EYS: variants seen among roughly 807,000 people sequenced by gnomAD.
EYS encodes EGF-like photoreceptor maintenance factor.
Under a neutral mutation model 282.1 loss-of-function variants are expected in EYS, and 250 were observed. The observed-to-expected ratio is 0.89, with a 90% CI of 0.80 to 0.98. EYS has a LOEUF of 0.98. EYS is among the 50% of genes least tolerant of loss of function. EYS has a pLI of 0.00. For synonymous variants in EYS, 1,355 were observed against 1,282.9 expected, an observed-to-expected ratio of 1.06 and a Z score of -1.20; for missense variants, 4,016 against 3,709.0, an observed-to-expected ratio of 1.08 and a Z score of -2.15.
chr6:65,468,193 C>A (rs1765078272), intron 5 of EYS, among the ~76,000 whole-genome samples: 1 of 152,102 alleles, frequency 6.6e-6, no homozygotes, highest in Non-Finnish European at 1.5e-5. Flanking sequence ...GGAATCATGG[C>A]AAGAGATGTT....
chr6:64,307,111 G>T, intron 29 of EYS, 29 bp from the exon 30 acceptor site: 1 of 1,070,532 alleles, frequency 9.3e-7, no homozygotes, highest in Non-Finnish European at 1.4e-6. Context: ...GAGAGAAGTA[G>T]AGATAATTTA....
intron 26 of EYS, among the ~76,000 whole-genome samples, chr6:64,475,118 T>C (rs1191069578): frequency 6.6e-6 from 1 of 152,206 alleles, no homozygotes; most frequent in Admixed American, 6.5e-5. Flanking sequence ...GATATTTTTG[T>C]GTTCACAAGT....
intron 31 of EYS, among the ~76,000 whole-genome samples, chr6:64,217,958 TTTGTAGGAATCTCTGTTG>T (rs1246625946): frequency 7.9e-5 from 12 of 152,248 alleles, no homozygotes; most frequent in East Asian, 7.7e-4. Context: ...GCTGAAGCAG[TTTGTAGGAATCTCTGTTG>T]TTGTAGGAAT....
intron 5 of EYS, among the ~76,000 whole-genome samples, chr6:65,461,644 C>T (rs1213322579): frequency 2.9e-5 from 4 of 138,730 alleles, no homozygotes; most frequent in Non-Finnish European, 6.0e-5. Context: ...CTTGATCAGC[C>T]CTGAAACCCT....
intron 1 of EYS, among the ~76,000 whole-genome samples, chr6:65,674,782 C>T (rs1208186033): frequency 6.6e-6 from 1 of 151,788 alleles, no homozygotes; most frequent in Non-Finnish European, 1.5e-5. Flanking sequence ...ACAAAAAAAA[C>T]ATATTAAAGT....
intron 33 of EYS, among the ~76,000 whole-genome samples, chr6:64,009,896 T>A (rs1768527245): frequency 6.6e-6 from 1 of 152,144 alleles, no homozygotes; most frequent in Non-Finnish European, 1.5e-5. Flanking sequence ...CCTTTGGATG[T>A]GTTTTTGGTT....
At chr6:65,220,267 C>T (rs1043583430) in intron 12 of EYS, among the ~76,000 whole-genome samples, 1 of 152,072 alleles carries the variant, frequency 6.6e-6, no homozygotes, top group African/African-American at 2.4e-5. Context: ...AAAATTCACT[C>T]TTCATTAGGT....
chr6:64,024,358 CT>C (rs1769368011), intron 33 of EYS, among the ~76,000 whole-genome samples: 1 of 152,120 alleles, frequency 6.6e-6, no homozygotes, highest in South Asian at 2.1e-4. Context: ...TGTGGTGACA[CT>C]CTGTATCTAG....
chr6:64,541,441 G>A (rs1381310503), intron 26 of EYS, among the ~76,000 whole-genome samples: 2 of 152,084 alleles, frequency 1.3e-5, no homozygotes, highest in East Asian at 3.9e-4. Flanking sequence ...TTTGCTTAGA[G>A]AAAAGAGTGG....
At chr6:64,918,987 T>G (rs1212161753) in intron 15 of EYS, among the ~76,000 whole-genome samples, 2 of 152,186 alleles carry the variant, frequency 1.3e-5, no homozygotes, top group African/African-American at 4.8e-5. Flanking sequence ...GAAATATAAA[T>G]TTATGAAACA....
At chr6:64,423,791 G>A (rs1774311711) in intron 28 of EYS, among the ~76,000 whole-genome samples, 1 of 152,098 alleles carries the variant, frequency 6.6e-6, no homozygotes, top group Admixed American at 6.6e-5. Context: ...CTGGACGACA[G>A]AGCAAGACTC....
intron 22 of EYS, among the ~76,000 whole-genome samples, chr6:64,763,822 G>A (rs2149980481): frequency 1.3e-5 from 2 of 152,216 alleles, no homozygotes; most frequent in Middle Eastern, 3.4e-3. Context: ...CTGAAAGGGA[G>A]AAACTGGCCA....
At chr6:65,152,981 C>CA in intron 12 of EYS, among the ~76,000 whole-genome samples, 1 of 147,774 alleles carries the variant, frequency 6.8e-6, no homozygotes, top group South Asian at 2.1e-4. Flanking sequence ...TTGTATTAGA[C>CA]CAAAAAAAAA....
intron 5 of EYS, among the ~76,000 whole-genome samples, chr6:65,436,197 T>C (rs1768069264): frequency 6.6e-6 from 1 of 152,136 alleles, no homozygotes; most frequent in East Asian, 1.9e-4. Flanking sequence ...TCTTTTTGGA[T>C]GCTGGAATAA....
intron 35 of EYS, among the ~76,000 whole-genome samples, chr6:63,939,130 A>ATT (rs59373055): frequency 7.0e-6 from 1 of 143,570 alleles, no homozygotes; most frequent in East Asian, 2.0e-4. Flanking sequence ...TTGTGAGGGG[A>ATT]TTTTTTTTTT....
rs140930654 is a variant in EYS at position 63,841,197 on chromosome 6, A to C, written c.7228+22989T>G. 3.1e-3 allele frequency among the ~76,000 whole-genome samples: 472 copies of C among 152,342 alleles called. 4 individuals are homozygous for C. The highest frequency in any genetic ancestry group is 0.011 in the African/African-American group (459 of 41,580). On this transcript the variant is annotated intron_variant, in intron 36 of 42. Coordinates refer to ENST00000503581, the MANE Select transcript of EYS (RefSeq NM_001142800.2). The stretch of plus-strand genomic sequence containing the variant: ...CTAGATTAATGATTCATAATTCTAT[A>C]CTTAAGTTATCTTTAAAAAGATAGT...
intron 22 of EYS, among the ~76,000 whole-genome samples, chr6:64,695,344 C>T (rs1770536582): frequency 6.6e-6 from 1 of 152,054 alleles, no homozygotes; most frequent in African/African-American, 2.4e-5. Flanking sequence ...CTGCTGATAC[C>T]AATTCATAAC....
chr6:65,615,761 T>C lies in EYS; in HGVS notation c.-333+24017A>G, dbSNP rs554201635. On this transcript the variant is annotated intron_variant, in intron 2 of 42. Transcript: ENST00000503581. ...CAACCTGGCTAACACGGTGAAACCC[T>C]GTCTCTACTAAAAATACAAAAAATT... Among the ~76,000 whole-genome samples the C allele has an allele frequency of 1.9e-3, 281 of 151,874 alleles. 2 individuals are homozygous for C. Among genetic ancestry groups the C allele is most frequent in the Non-Finnish European group, 2.7e-3 (181 of 67,908 alleles).
At chr6:64,843,816 G>A (rs772676926) in intron 19 of EYS, among the ~76,000 whole-genome samples, 1 of 152,006 alleles carries the variant, frequency 6.6e-6, no homozygotes, top group Non-Finnish European at 1.5e-5. Flanking sequence ...GAGATTTGGA[G>A]GGGCCCAGGG....
Sources: allele counts gnomAD v4.1 joint callset (sites outside exome capture counted in the v4.1 genomes callset), GRCh38; gene constraint gnomAD v4.1.1; transcripts MANE v1.5; gene names NCBI Gene and HGNC (gene_info 2026-07-23, HGNC 2026-07-21).